The following ZNF568 variants were observed in gnomAD, a reference collection of about 807,000 sequenced individuals.
ZNF568 encodes p53 inhibitor of SCO2 activation.
ZNF568 carries 11 observed loss-of-function variants against 18.1 expected under a neutral mutation model. The ratio of observed to expected loss-of-function variants is 0.61; its 90% CI spans 0.38 to 1.00. The LOEUF is 1.00. ZNF568 is among the 50% of genes least tolerant of loss of function. The pLI, the probability that ZNF568 is intolerant of heterozygous loss-of-function variation, is 0.01. For synonymous variants in ZNF568, 213 were observed against 246.6 expected (o/e 0.86, Z 1.28); for missense variants, 639 against 768.2 (o/e 0.83, Z 1.99).
At chr19:36,956,570 C>T (rs2074108661), downstream of ZNF568, among the ~76,000 whole-genome samples, 1 of 151,736 alleles carries the variant, frequency 6.6e-6, no homozygotes, top group Non-Finnish European at 1.5e-5. Flanking sequence ...CATTTTGCAA[C>T]AGTAGTCCTC....
Position 36,949,821 on chromosome 19 carries a change from A to G in ZNF568, c.668A>G (p.Lys223Arg). The change falls in exon 7 of 7, where the codon AAG (lysine) becomes AGG (arginine). Residue 223 changes from lysine to arginine, a missense_variant. By Grantham distance (26) the Lys-to-Arg change is conservative. Coordinates refer to ENST00000333987, the MANE Select transcript of ZNF568 (RefSeq NM_198539.4). ...HCASYVVTPFKCNQCGQDFSH... is the reference protein window; with the variant it reads ...HCASYVVTPFRCNQCGQDFSH... ...GCATCCTATGTTGTAACCCCCTTTA[A>G]GTGTAATCAGTGTGGACAAGACTTC... The G allele has an allele frequency of 3.1e-6, 5 of 1,613,986 alleles. No homozygotes were observed. The South Asian group carries it at 5.5e-5, about 18-fold the overall frequency.
downstream of ZNF568, among the ~76,000 whole-genome samples, chr19:36,955,548 A>G (rs1007502839): frequency 6.6e-6 from 1 of 152,168 alleles, no homozygotes. Flanking sequence ...GGTAGAAATA[A>G]TAAGATAGAT....
chr19:36,957,385 C>A (rs1260359056), downstream of ZNF568, among the ~76,000 whole-genome samples: 1 of 151,998 alleles, frequency 6.6e-6, no homozygotes, highest in Non-Finnish European at 1.5e-5. Context: ...GCGCCTGCCA[C>A]CATGGCTGGC....
chr19:36,988,540 G>T, intron 2 of ZNF568, among the ~76,000 whole-genome samples: 1 of 152,260 alleles, frequency 6.6e-6, no homozygotes, highest in Middle Eastern at 3.4e-3. Flanking sequence ...TAAACAGCCA[G>T]ATCTCGTCAG....
intron 3 of ZNF568, 93 bp downstream of exon 3, chr19:36,922,939 TC>T (rs1600764768): frequency 1.9e-6 from 2 of 1,051,000 alleles, no homozygotes; most frequent in African/African-American, 3.1e-5. Context: ...CTGAGAAAGG[TC>T]ACGTATGTTA....
chr19:36,991,390 C>G, intron 3 of ZNF568: 4 of 1,399,044 alleles, frequency 2.9e-6, no homozygotes, highest in Non-Finnish European at 3.7e-6. Flanking sequence ...CTGAGTTTGT[C>G]CCAAGTGCTT....
intron 4 of ZNF568, among the ~76,000 whole-genome samples, chr19:36,935,538 C>T (rs898699672): frequency 7.0e-6 from 1 of 142,944 alleles, no homozygotes; most frequent in African/African-American, 2.7e-5. Flanking sequence ...CCAGCCTAGG[C>T]GACAGACTGA....
Position 36,952,183 on chromosome 19 carries a change from C to T in ZNF568, c.*1095C>T, listed in dbSNP as rs1316009914. ...TATAGCCAGATGCAGTGGCACATGC[C>T]TGTAATCCCAGCTACTTGGGAGGCT... On this transcript the variant is annotated 3_prime_UTR_variant, in exon 7 of 7. Transcript: ENST00000333987. 4.7e-6 allele frequency: 2 copies of T among 424,942 alleles called. No individual in the cohort carries two copies. The highest frequency in any genetic ancestry group is 4.4e-5 in the African/African-American group (2 of 45,760). 26.3% of individuals were successfully genotyped at this position (424,942 alleles called of 1,614,324 possible). A position where few individuals can be genotyped will look rare whatever the true frequency, so the allele number is the denominator to read the frequency against.
Position 36,991,222 on chromosome 19 carries a change from G to A in ZNF568, c.56G>A (p.Trp19Ter). The A allele has an allele frequency of 5.2e-6, 8 of 1,536,414 alleles. No homozygotes were observed. The highest frequency in any genetic ancestry group is 6.1e-6 in the Non-Finnish European group (7 of 1,146,914). ...GTCATTTACTTCTCTCAAAAGGAGT[G>A]GGAATGCTTGCACTCTGCTCAGAAG... The change falls in exon 3 of 5, where the codon TGG (tryptophan) becomes TAG (stop). Residue 19 changes from tryptophan (W) to a stop codon, truncating the protein, a stop_gained. Coordinates refer to the ZNF568 transcript ENST00000433993. LOFTEE classifies it high-confidence loss of function.
intron 2 of ZNF568, among the ~76,000 whole-genome samples, chr19:36,918,943 T>C (rs531405192): frequency 6.6e-6 from 1 of 152,366 alleles, no homozygotes; most frequent in South Asian, 2.1e-4. Flanking sequence ...GATTCATCCA[T>C]GTTAGCATGT....
At chr19:36,965,537 A>G (rs899122389) in intron 6 of ZNF568, among the ~76,000 whole-genome samples, 2 of 152,116 alleles carry the variant, frequency 1.3e-5, no homozygotes, top group South Asian at 4.1e-4. Flanking sequence ...CTGTTCTGTC[A>G]TGGATGAGAC....
At chr19:36,936,559 G>GT in intron 4 of ZNF568, 187 bp from the exon 5 acceptor site, 1 of 462,638 alleles carries the variant, frequency 2.2e-6, no homozygotes, top group Non-Finnish European at 3.7e-6. Context: ...AATGTATAAT[G>GT]TTTTTTGTCA....
intron 3 of ZNF568, chr19:36,991,331 G>C: frequency 6.7e-7 from 1 of 1,499,014 alleles, no homozygotes; most frequent in Non-Finnish European, 8.9e-7. Flanking sequence ...TACACCCCCT[G>C]CCCCGCCAAA....
chr19:36,964,748 G>A (rs953634298), intron 6 of ZNF568, among the ~76,000 whole-genome samples: 35 of 152,060 alleles, frequency 2.3e-4, no homozygotes, highest in African/African-American at 8.5e-4. Context: ...TCAGGAGGTT[G>A]GGGCTGCAAT....
intron 7 of ZNF568, among the ~76,000 whole-genome samples, chr19:36,975,152 C>CTT (rs750626556): frequency 4.7e-5 from 6 of 126,550 alleles, no homozygotes; most frequent in African/African-American, 1.2e-4. Flanking sequence ...TTCTTTCTTT[C>CTT]TTTTTTTTTT....
At chr19:36,959,098 C>G (rs908783252) in intron 6 of ZNF568, among the ~76,000 whole-genome samples, 1 of 152,144 alleles carries the variant, frequency 6.6e-6, no homozygotes, top group African/African-American at 2.4e-5. Context: ...TGTTCCAATT[C>G]TTAGTGGAAA....
At chr19:36,971,983 C>A (rs61354972) in intron 6 of ZNF568, among the ~76,000 whole-genome samples, 1,978 of 151,278 alleles carry the variant, frequency 0.013, 48 homozygotes, top group African/African-American at 0.045. Context: ...TACAGGTGCG[C>A]GCCACCACAC....
chr19:36,997,783 A>T, downstream of ZNF568: 1 of 598,604 alleles, frequency 1.7e-6, no homozygotes, highest in East Asian at 2.8e-5. Context: ...TGGAAAAAAA[A>T]ACTTATGATT....
In ZNF568 at chr19:36,925,196, T is replaced by C. The variant is rs2073531031; in HGVS notation, c.77-4T>C. 3 of 1,613,914 alleles carry C rather than the reference T, an allele frequency of 1.9e-6. No individual in the cohort carries two copies. The highest frequency in any genetic ancestry group is 3.3e-5 in the Admixed American group (2 of 60,002). On this transcript the variant is annotated splice_region_variant and splice_polypyrimidine_tract_variant and intron_variant, in intron 3 of 6. Coordinates refer to ENST00000333987, the MANE Select transcript of ZNF568 (RefSeq NM_198539.4). ...GCAAATCTGTTTCATTTCTCTTCCCTCAGCTTGGTGTTCTCAAGAGTCTGC... is the reference window on the plus strand; with the variant it reads ...GCAAATCTGTTTCATTTCTCTTCCCCCAGCTTGGTGTTCTCAAGAGTCTGC...
Sources: gnomAD v4.1 joint callset for allele counts (sites outside exome capture counted in the v4.1 genomes callset) on GRCh38, gnomAD v4.1.1 for gene constraint, MANE v1.5 for transcripts, NCBI Gene and HGNC (gene_info 2026-07-23, HGNC 2026-07-21) for gene names.